The following SUGCT variants were observed in gnomAD, a reference collection of about 807,000 sequenced individuals.
SUGCT encodes succinyl-CoA:glutarate CoA-transferase.
Under a neutral mutation model 55.0 loss-of-function variants are expected in SUGCT, and 41 were observed. That is an observed-to-expected ratio of 0.74 (90% CI 0.58 to 0.97). The LOEUF is 0.97. Among genes scored for constraint, SUGCT ranks in the 50% least tolerant of loss-of-function variants. The pLI is 0.00. For synonymous variants in SUGCT, 187 were observed against 200.4 expected, an observed-to-expected ratio of 0.93 and a Z score of 0.56; for missense variants, 568 against 547.8, an observed-to-expected ratio of 1.04 and a Z score of -0.37.
chr7:40,358,717 A>AAGCAAC (rs1797997610), intron 9 of SUGCT, among the ~76,000 whole-genome samples: 1 of 150,658 alleles, frequency 6.6e-6, no homozygotes, highest in African/African-American at 2.5e-5. Context: ...TCCATCTCAA[A>AAGCAAC]AACAACAACA....
the SUGCT span, among the ~76,000 whole-genome samples, chr7:40,884,650 T>A: frequency 6.6e-6 from 1 of 152,208 alleles, no homozygotes; most frequent in Non-Finnish European, 1.5e-5. Flanking sequence ...CAAGAATGGC[T>A]ATAGCAATTT....
At chr7:40,939,106 G>C in the SUGCT span, among the ~76,000 whole-genome samples, 2 of 152,110 alleles carry the variant, frequency 1.3e-5, no homozygotes, top group South Asian at 4.2e-4. Flanking sequence ...ATGTTTAATT[G>C]GACTTCAGTT....
chr7:40,472,970 T>C (rs1275244209), intron 11 of SUGCT, among the ~76,000 whole-genome samples: 1 of 152,232 alleles, frequency 6.6e-6, no homozygotes, highest in Non-Finnish European at 1.5e-5. Context: ...AGTTGTAGTT[T>C]TCTTCCTTAC....
chr7:40,221,428 A>G (rs1788015961), intron 6 of SUGCT, among the ~76,000 whole-genome samples: 1 of 151,216 alleles, frequency 6.6e-6, no homozygotes, highest in Non-Finnish European at 1.5e-5. Context: ...AAAAAAAAAA[A>G]TCTAATTATA....
chr7:40,819,745 A>C (rs1791879066), intron 13 of SUGCT, among the ~76,000 whole-genome samples: 1 of 152,186 alleles, frequency 6.6e-6, no homozygotes, highest in Admixed American at 6.5e-5. Context: ...TTTGCTGTGC[A>C]GAAGCTCTTT....
chr7:40,738,681 A>G (rs1402693309), intron 12 of SUGCT, among the ~76,000 whole-genome samples: 1 of 152,236 alleles, frequency 6.6e-6, no homozygotes, highest in Non-Finnish European at 1.5e-5. Context: ...AACAATTTTA[A>G]GACAATACAT....
At chr7:40,840,617 A>G (rs1030153697) in intron 13 of SUGCT, among the ~76,000 whole-genome samples, 1 of 152,200 alleles carries the variant, frequency 6.6e-6, no homozygotes, top group African/African-American at 2.4e-5. Context: ...AAAACGTCTC[A>G]AATCAATCAT....
chr7:40,948,919 A>G, the SUGCT span, among the ~76,000 whole-genome samples: 4 of 152,126 alleles, frequency 2.6e-5, no homozygotes, highest in Admixed American at 2.6e-4. Flanking sequence ...AAACATACGT[A>G]TGCATGTGTC....
At chr7:40,579,033 C>T (rs529894570) in intron 12 of SUGCT, among the ~76,000 whole-genome samples, 1 of 152,132 alleles carries the variant, frequency 6.6e-6, no homozygotes, top group Admixed American at 6.5e-5. Context: ...GCTCCAGGGA[C>T]AGTACAATAA....
At chr7:40,942,046 A>G in the SUGCT span, among the ~76,000 whole-genome samples, 47 of 152,216 alleles carry the variant, frequency 3.1e-4, no homozygotes, top group Middle Eastern at 3.4e-3. Context: ...TAAGTGCAGC[A>G]TTTAGACCAC....
intron 12 of SUGCT, among the ~76,000 whole-genome samples, chr7:40,623,342 C>T (rs1473546380): frequency 6.6e-6 from 1 of 152,108 alleles, no homozygotes; most frequent in Non-Finnish European, 1.5e-5. Context: ...AATATTTATC[C>T]CATAATACTA....
In SUGCT at chr7:40,296,463, C is replaced by T. The variant is rs1052158797; in HGVS notation, c.721-20297C>T. Among the ~76,000 whole-genome samples the T allele has an allele frequency of 7.2e-5, 11 of 151,984 alleles. No homozygotes were observed. The South Asian group carries it at 8.3e-4, about 11-fold the overall frequency. On this transcript the variant is annotated intron_variant, in intron 8 of 13. Transcript: ENST00000335693. ...TTCTTTTCTAATGTTTGTAATAGCACGTGTTACTTGTTGTCAAGTACATAT... is the reference window on the plus strand; with the variant it reads ...TTCTTTTCTAATGTTTGTAATAGCATGTGTTACTTGTTGTCAAGTACATAT...
rs1563055488 is a variant in SUGCT, at chr7:40,860,475, ACT to A, written c.1314_1315del (p.His438GlnfsTer10). The stretch of plus-strand genomic sequence containing the variant: ...GGAGTGGTGGACCAACATGAAACTC[ACT>A]GACAAAGGAAAAGGGCTCTTCCTCA... On this transcript the variant is annotated frameshift_variant and stop_lost, in exon 14 of 14. Coordinates refer to ENST00000335693, the MANE Select transcript of SUGCT (RefSeq NM_001193313.2). LOFTEE classifies it high-confidence loss of function. The A allele has an allele frequency of 2.5e-6, 4 of 1,609,462 alleles. No homozygotes were observed. The highest frequency in any genetic ancestry group is 3.4e-6 in the Non-Finnish European group (4 of 1,176,512).
the SUGCT span, among the ~76,000 whole-genome samples, chr7:40,932,768 T>TTTC: frequency 4.7e-5 from 7 of 149,862 alleles, no homozygotes; most frequent in African/African-American, 1.7e-4. Flanking sequence ...TTTTTTTTTT[T>TTTC]GCTTTCCATT....
At chr7:40,921,811 T>C in the SUGCT span, among the ~76,000 whole-genome samples, 2 of 152,144 alleles carry the variant, frequency 1.3e-5, no homozygotes, top group African/African-American at 2.4e-5. Flanking sequence ...GGTGTGTGCA[T>C]GTATGAGCAT....
chr7:40,349,165 C>T (rs996270742), intron 9 of SUGCT, among the ~76,000 whole-genome samples: 1 of 152,100 alleles, frequency 6.6e-6, no homozygotes, highest in African/African-American at 2.4e-5. Context: ...TAATACTCAT[C>T]ACTATTTGGT....
chr7:40,300,137 A>C lies in SUGCT; in HGVS notation c.721-16623A>C, dbSNP rs144865658. 4.4e-3 allele frequency among the ~76,000 whole-genome samples: 677 copies of C among 152,294 alleles called. 1 individual carries two copies. The highest frequency in any genetic ancestry group is 0.016 in the African/African-American group (652 of 41,562). On this transcript the variant is annotated intron_variant, in intron 8 of 13. Coordinates refer to ENST00000335693, the MANE Select transcript of SUGCT (RefSeq NM_001193313.2). ...TGTATTCCCTTGGATGATATTTTTAAAATTATGTTTTACAATTCTTCTTAC... is the reference window on the plus strand; with the variant it reads ...TGTATTCCCTTGGATGATATTTTTACAATTATGTTTTACAATTCTTCTTAC...
chr7:40,224,954 A>G (rs928236000), intron 6 of SUGCT, among the ~76,000 whole-genome samples: 6 of 152,328 alleles, frequency 3.9e-5, no homozygotes, highest in Admixed American at 3.9e-4. Flanking sequence ...CTGCATTCCC[A>G]TGGGAGAAGC....
chr7:40,657,510 T>TA (rs948297588), intron 12 of SUGCT, among the ~76,000 whole-genome samples: 2 of 50,588 alleles, frequency 4.0e-5, no homozygotes, highest in African/African-American at 9.9e-5. Context: ...GTGAGGTAGA[T>TA]TTTTTTTTGA....
Sources: gnomAD v4.1 joint callset for allele counts (sites outside exome capture counted in the v4.1 genomes callset) on GRCh38, gnomAD v4.1.1 for gene constraint, MANE v1.5 for transcripts, NCBI Gene and HGNC (gene_info 2026-07-23, HGNC 2026-07-21) for gene names.